Variants in TIPIN observed in about 807,000 individuals in gnomAD.
TIPIN encodes TIMELESS-interacting protein.
Under a neutral mutation model 35.6 loss-of-function variants are expected in TIPIN, and 29 were observed. The observed-to-expected ratio is 0.82, with a 90% CI of 0.61 to 1.11. The LOEUF (loss-of-function observed/expected upper bound fraction) is 1.11, where lower values mean the gene tolerates loss of function less well. TIPIN is among the 50% of genes most tolerant of loss of function. TIPIN has a pLI of 0.00. For synonymous variants in TIPIN, 102 were observed against 121.5 expected (o/e 0.84, Z 1.06); for missense variants, 296 against 345.4 (o/e 0.86, Z 1.13).
intron 1 of TIPIN, among the ~76,000 whole-genome samples, chr15:66,373,265 G>A (rs911058556): frequency 1.4e-4 from 21 of 152,106 alleles, no homozygotes; most frequent in African/African-American, 4.1e-4. Context: ...AGGCTGAGGC[G>A]GGAGGATCAC....
At chr15:66,339,268 G>C (rs1245159205) in intron 7 of TIPIN, among the ~76,000 whole-genome samples, 3 of 149,238 alleles carry the variant, frequency 2.0e-5, no homozygotes, top group African/African-American at 7.4e-5. Context: ...ATGGTATCTA[G>C]TTATTATAAT....
intron 7 of TIPIN, among the ~76,000 whole-genome samples, chr15:66,339,148 AAAAAAAAAAG>A (rs1162866148): frequency 5.4e-5 from 3 of 55,696 alleles, no homozygotes; most frequent in African/African-American, 1.0e-4. Flanking sequence ...AAAAAAAAAA[AAAAAAAAAAG>A]CAAAAAGAAA....
At chr15:66,379,705 G>C in intron 1 of TIPIN, 5 of 1,610,390 alleles carry the variant, frequency 3.1e-6, no homozygotes, top group Admixed American at 3.3e-5. Flanking sequence ...CAAATAGTCC[G>C]AACGGTAGCC....
At chr15:66,350,387 C>A (rs1041388254) in intron 4 of TIPIN, among the ~76,000 whole-genome samples, 2 of 150,984 alleles carry the variant, frequency 1.3e-5, no homozygotes, top group Admixed American at 1.3e-4. Flanking sequence ...GGGTGGATGA[C>A]CTGAGTCAGG....
At chr15:66,353,615 CAAA>C (rs761338015) in intron 1 of TIPIN, among the ~76,000 whole-genome samples, 6 of 99,888 alleles carry the variant, frequency 6.0e-5, no homozygotes, top group Non-Finnish European at 8.7e-5. Context: ...CACTCTGTCT[CAAA>C]AAAAAAAAAA....
chr15:66,361,973 C>T (rs1026427943), intron 1 of TIPIN, among the ~76,000 whole-genome samples: 6 of 146,930 alleles, frequency 4.1e-5, no homozygotes, highest in Non-Finnish European at 9.0e-5. Context: ...AGCCAGACCC[C>T]GTCTCAAAAA....
At chr15:66,385,876 C>G (rs1018910741) in intron 1 of TIPIN, among the ~76,000 whole-genome samples, 1 of 151,982 alleles carries the variant, frequency 6.6e-6, no homozygotes, top group Admixed American at 6.6e-5. Flanking sequence ...CCTCAAACTC[C>G]TGGGCTCAAG....
intron 1 of TIPIN, among the ~76,000 whole-genome samples, chr15:66,382,033 C>T (rs546948314): frequency 8.4e-4 from 127 of 151,290 alleles, no homozygotes; most frequent in African/African-American, 3.0e-3. Flanking sequence ...CCACTGCACT[C>T]CACCTGGGCG....
At chr15:66,364,158 C>CTTTTTTTT (rs747825457) in intron 1 of TIPIN, among the ~76,000 whole-genome samples, 58 of 73,764 alleles carry the variant, frequency 7.9e-4, no homozygotes, top group East Asian at 1.4e-3. Context: ...TCTTTCTTTT[C>CTTTTTTTT]TTTTTTTTTT....
intron 6 of TIPIN, among the ~76,000 whole-genome samples, chr15:66,341,907 C>T (rs1237484125): frequency 1.3e-5 from 2 of 152,030 alleles, no homozygotes; most frequent in Non-Finnish European, 2.9e-5. Flanking sequence ...GCATGAAGGC[C>T]GGGCGCGGTG....
At chr15:66,373,727 T>G (rs1263647361) in intron 1 of TIPIN, among the ~76,000 whole-genome samples, 1 of 152,148 alleles carries the variant, frequency 6.6e-6, no homozygotes, top group Non-Finnish European at 1.5e-5. Flanking sequence ...AGACAGAGTC[T>G]TGCTCTGTCA....
intron 1 of TIPIN, among the ~76,000 whole-genome samples, chr15:66,378,806 G>A (rs576021250): frequency 1.3e-5 from 2 of 151,524 alleles, no homozygotes; most frequent in African/African-American, 4.8e-5. Flanking sequence ...GTTTGATCAT[G>A]ACTCACTCTA....
intron 6 of TIPIN, among the ~76,000 whole-genome samples, chr15:66,348,533 C>CAA (rs1245788465): frequency 3.6e-4 from 39 of 109,502 alleles, no homozygotes; most frequent in Non-Finnish European, 6.8e-4. Flanking sequence ...AAAAAAAATA[C>CAA]AAAAATTAAC....
chr15:66,346,152 T>C (rs1220724123), intron 6 of TIPIN, among the ~76,000 whole-genome samples: 1 of 152,084 alleles, frequency 6.6e-6, no homozygotes, highest in Non-Finnish European at 1.5e-5. Context: ...TTCACCATGT[T>C]GGCCAGGCTG....
chr15:66,383,878 G>T (rs948512229), intron 1 of TIPIN, among the ~76,000 whole-genome samples: 3 of 152,128 alleles, frequency 2.0e-5, no homozygotes, highest in Non-Finnish European at 1.5e-5. Context: ...GCCTTTATGT[G>T]ACGGTATAGA....
intron 1 of TIPIN, 148 bp downstream of exon 1, chr15:66,356,491 C>T: frequency 1.7e-6 from 1 of 588,012 alleles, no homozygotes; most frequent in South Asian, 7.4e-5. Flanking sequence ...CGGGTCAGGT[C>T]GACCCCCCAA....
Position 66,337,117 on chromosome 15 carries a change from C to T in TIPIN, c.747G>A (p.Lys249=), listed in dbSNP as rs1566968859. 47 of 1,614,036 alleles carry T rather than the reference C, an allele frequency of 2.9e-5. No individual in the cohort carries two copies. The highest frequency in any genetic ancestry group is 4.0e-5 in the Non-Finnish European group (47 of 1,180,012). ...VEEVNTDEDQ[K]EESNGLNEDI... is the part of the protein sequence containing the mutation. ...CTTCGTTTAATCCATTTGACTCCTC[C>T]TTTTGATCCTCATCAGTATTAACCT... Residue 249 remains lysine, a synonymous_variant, in exon 8 of 8, where the codon AAG becomes AAA. Coordinates refer to ENST00000261881, the MANE Select transcript of TIPIN (RefSeq NM_017858.3).
intron 1 of TIPIN, among the ~76,000 whole-genome samples, chr15:66,382,076 A>C (rs151302634): frequency 2.0e-5 from 3 of 149,186 alleles, no homozygotes; most frequent in South Asian, 2.1e-4. Flanking sequence ...AAAAAAAATT[A>C]TTCTTCTAGC....
At chr15:66,352,423 C>T (rs1218090527) in intron 2 of TIPIN, among the ~76,000 whole-genome samples, 5 of 152,036 alleles carry the variant, frequency 3.3e-5, no homozygotes, top group African/African-American at 9.7e-5. Context: ...CTCAGTATCC[C>T]GAGTACCTGG....
Sources: gnomAD v4.1 joint callset for allele counts (sites outside exome capture counted in the v4.1 genomes callset) on GRCh38, gnomAD v4.1.1 for gene constraint, MANE v1.5 for transcripts, NCBI Gene and HGNC (gene_info 2026-07-23, HGNC 2026-07-21) for gene names.